NLRP4: variants seen among roughly 807,000 people sequenced by gnomAD.
The protein encoded by NLRP4 is NLR family pyrin domain containing 4, also known as NACHT, LRR and PYD domains-containing protein 4.
NLRP4 carries 44 observed loss-of-function variants against 84.7 expected under a neutral mutation model. That is an observed-to-expected ratio of 0.52 (90% CI 0.41 to 0.67). NLRP4 has a LOEUF of 0.67. NLRP4 is among the 30% of genes least tolerant of loss of function. The pLI, the probability that NLRP4 is intolerant of heterozygous loss-of-function variation, is 0.00. For synonymous variants in NLRP4, 544 were observed against 476.4 expected, an observed-to-expected ratio of 1.14 and a Z score of -1.85; for missense variants, 1,260 against 1,219.4, an observed-to-expected ratio of 1.03 and a Z score of -0.50.
At chr19:55,859,525 A>G (rs1389404546) in intron 3 of NLRP4, among the ~76,000 whole-genome samples, 4 of 152,074 alleles carry the variant, frequency 2.6e-5, no homozygotes, top group Admixed American at 6.6e-5. Context: ...AGTGTTTCCT[A>G]CTTTCTCAAG....
chr19:55,854,968 C>T (rs1237616205), intron 2 of NLRP4, among the ~76,000 whole-genome samples: 1 of 152,198 alleles, frequency 6.6e-6, no homozygotes, highest in African/African-American at 2.4e-5. Context: ...CGGTGATCCG[C>T]CCGCCTTGGC....
intron 7 of NLRP4, among the ~76,000 whole-genome samples, chr19:55,871,229 G>A (rs762698097): frequency 6.6e-6 from 1 of 152,180 alleles, no homozygotes; most frequent in Non-Finnish European, 1.5e-5. Context: ...TGGCATATAG[G>A]TAGAGGACTG....
chr19:55,864,994 A>T lies in NLRP4; in HGVS notation c.2187-2715A>T, dbSNP rs11879102. ...AATTTTAACATTTAAACAACATTTT[A>T]AAAAACTTTTATTTTACATTCAGGG... is the stretch of plus-strand genomic sequence containing the variant. On this transcript the variant is annotated intron_variant, in intron 5 of 9. Coordinates refer to ENST00000301295, the MANE Select transcript of NLRP4 (RefSeq NM_134444.5). Among the ~76,000 whole-genome samples, 568 of 152,308 alleles carry T rather than the reference A, an allele frequency of 3.7e-3. 4 individuals are homozygous for T. The highest frequency in any genetic ancestry group is 0.013 in the African/African-American group (538 of 41,552).
chr19:55,857,686 C>A lies in NLRP4; in HGVS notation c.293C>A (p.Thr98Asn). 6.2e-7 allele frequency: 1 copy of A among 1,612,894 alleles called. No homozygotes were observed. Among genetic ancestry groups the A allele is most frequent in the Non-Finnish European group, 8.5e-7 (1 of 1,179,834 alleles). ...VMRERTGYTKTYQAHAKQKFS... is the reference protein window; with the variant it reads ...VMRERTGYTKNYQAHAKQKFS... ...CTCACTGACTCAGGATACACAAAGA[C>A]CTATCAAGCTCACGCAAAGCAGAAA... The change falls in exon 3 of 10, where the codon ACC becomes AAC. Residue 98 changes from threonine (T) to asparagine (N), a missense_variant. Around this residue, in one of 3 missense-constraint regions of NLRP4, gnomAD observed 712 missense variants for 669.2 expected, o/e 1.06. Coordinates refer to ENST00000301295, the MANE Select transcript of NLRP4 (RefSeq NM_134444.5).
intron 8 of NLRP4, 87 bp downstream of exon 8, chr19:55,877,253 A>G: frequency 8.1e-7 from 1 of 1,231,034 alleles, no homozygotes; most frequent in South Asian, 1.3e-5. Context: ...GAAAACTCCA[A>G]CAGGACCACA....
chr19:55,849,896 G>GCGGTGTAATTTCCGTAGCT (rs1568658037), intron 1 of NLRP4, among the ~76,000 whole-genome samples: 3 of 15,278 alleles, frequency 2.0e-4, no homozygotes, highest in South Asian at 2.8e-3. Flanking sequence ...TTCCGTGGCC[G>GCGGTGTAATTTCCGTAGCT]GCGGTGTAAT....
rs557829376 is a variant in NLRP4, at chr19:55,849,911, G to A, written c.-65-2105G>A. ...TTCCGTGGCCGGCGGTGTAATTTCC[G>A]TAGCCGCGGTGTAATTTCCGTAGCC... On this transcript the variant is annotated intron_variant, in intron 1 of 9. Transcript: ENST00000301295. 1.9e-4 allele frequency among the ~76,000 whole-genome samples: 26 copies of A among 135,570 alleles called. 2 individuals carry two copies. In the South Asian group the frequency reaches 2.6e-3, roughly 13 times the overall value. The allele number at this position is 135,570 out of a possible 152,430, so 88.9% of individuals were successfully genotyped here. A position where few individuals can be genotyped will look rare whatever the true frequency, so the allele number is the denominator to read the frequency against.
At chr19:55,865,687 C>T (rs1484964041) in intron 5 of NLRP4, among the ~76,000 whole-genome samples, 1 of 152,018 alleles carries the variant, frequency 6.6e-6, no homozygotes, top group Non-Finnish European at 1.5e-5. Flanking sequence ...TATCTCATTG[C>T]AGTTTTGATA....
chr19:55,847,729 T>C (rs1249802023), intron 1 of NLRP4, among the ~76,000 whole-genome samples: 5 of 151,402 alleles, frequency 3.3e-5, no homozygotes, highest in Non-Finnish European at 5.9e-5. Flanking sequence ...TTTTTTTTTT[T>C]TTTGAGATGG....
intron 1 of NLRP4, among the ~76,000 whole-genome samples, chr19:55,842,669 T>C (rs961614711): frequency 1.3e-5 from 2 of 151,112 alleles, no homozygotes; most frequent in African/African-American, 4.8e-5. Flanking sequence ...TTTCCTTCTC[T>C]CCAATGGTCA....
At chr19:55,880,413 G>T (rs915535675) in intron 9 of NLRP4, among the ~76,000 whole-genome samples, 1 of 152,212 alleles carries the variant, frequency 6.6e-6, no homozygotes, top group Admixed American at 6.5e-5. Context: ...GGCCCTGTAA[G>T]CCAGGGTAAG....
intron 7 of NLRP4, among the ~76,000 whole-genome samples, chr19:55,871,627 G>A (rs78004356): frequency 7.0e-4 from 107 of 152,222 alleles, no homozygotes; most frequent in African/African-American, 2.4e-3. Context: ...ATCTGGCAGC[G>A]TGATTTTTAC....
intron 2 of NLRP4, among the ~76,000 whole-genome samples, chr19:55,853,721 T>TTCTTTC (rs372182478): frequency 5.0e-4 from 74 of 147,688 alleles, no homozygotes; most frequent in African/African-American, 1.9e-3. Context: ...GACTCACTCT[T>TTCTTTC]TCTTTCTCTT....
chr19:55,859,053 T>C lies in NLRP4; in HGVS notation c.1660T>C (p.Phe554Leu). ...GGGACAGGTGGATTCCTTGGCGATATTTTACTGTCTCTTTGAAATGCAGGA... is the reference window on the plus strand; with the variant it reads ...GGGACAGGTGGATTCCTTGGCGATACTTTACTGTCTCTTTGAAATGCAGGA... Reference protein sequence around the residue: ...PQGQVDSLAIFYCLFEMQDPA... With the variant: ...PQGQVDSLAILYCLFEMQDPA... Residue 554 changes from phenylalanine to leucine, a missense_variant, in exon 3 of 10, where the codon TTT becomes CTT. Phe to Leu is a conservative substitution (Grantham distance 22, BLOSUM62 0). Transcript: ENST00000301295. 6.2e-7 allele frequency: 1 copy of C among 1,613,800 alleles called. No individual in the cohort carries two copies. The highest frequency in any genetic ancestry group is 8.5e-7 in the Non-Finnish European group (1 of 1,179,716).
In NLRP4 at chr19:55,862,170, G is replaced by T. The variant is rs780619197; in HGVS notation, c.2186+11G>T. The T allele has an allele frequency of 3.3e-5, 53 of 1,598,714 alleles. No homozygotes were observed. Among genetic ancestry groups the T allele is most frequent in the Non-Finnish European group, 4.4e-5 (51 of 1,169,172 alleles). ...CGTCAAAGAGCTAGCGTAAGTCTCC[G>T]TTTATTGAGACCACTGATTGGGTTT... On this transcript the variant is annotated intron_variant, in intron 5 of 9. Coordinates refer to ENST00000301295, the MANE Select transcript of NLRP4 (RefSeq NM_134444.5).
chr19:55,844,476 A>T (rs1983718190), intron 1 of NLRP4, among the ~76,000 whole-genome samples: 2 of 152,078 alleles, frequency 1.3e-5, no homozygotes, highest in Non-Finnish European at 1.5e-5. Context: ...GGATTTTACC[A>T]TGTTGGCCAG....
chr19:55,875,300 T>C (rs894671621), intron 7 of NLRP4, among the ~76,000 whole-genome samples: 2 of 152,198 alleles, frequency 1.3e-5, no homozygotes, highest in Non-Finnish European at 2.9e-5. Flanking sequence ...TCTATACAGA[T>C]GATTTGAATG....
intron 7 of NLRP4, among the ~76,000 whole-genome samples, chr19:55,875,367 C>G (rs1985330171): frequency 6.6e-6 from 1 of 152,082 alleles, no homozygotes; most frequent in Non-Finnish European, 1.5e-5. Flanking sequence ...GTCTAACAAG[C>G]TTGCTTGAAA....
At chr19:55,868,778 T>C (rs1000237096) in intron 6 of NLRP4, among the ~76,000 whole-genome samples, 4 of 152,124 alleles carry the variant, frequency 2.6e-5, no homozygotes, top group Non-Finnish European at 5.9e-5. Context: ...TATTATAATA[T>C]AGGCTGCCTG....
Sources: gnomAD v4.1 joint callset for allele counts (sites outside exome capture counted in the v4.1 genomes callset) on GRCh38, gnomAD v4.1.1 for gene constraint, gnomAD v4.1.1 regional missense constraint, MANE v1.5 for transcripts, NCBI Gene and HGNC (gene_info 2026-07-23, HGNC 2026-07-21) for gene names.